XKR4: variants seen among roughly 807,000 people sequenced by gnomAD.
XKR4 encodes the protein XK related 4, also known as XK-related protein 4.
Under a neutral mutation model 53.9 loss-of-function variants are expected in XKR4, and 12 were observed. That is an observed-to-expected ratio of 0.22 (90% CI 0.14 to 0.36). The LOEUF (loss-of-function observed/expected upper bound fraction) is 0.36, where lower values mean the gene tolerates loss of function less well. XKR4 is among the 10% of genes least tolerant of loss of function. XKR4 has a pLI of 1.00. For missense variants in XKR4, 799 were observed against 859.5 expected, an observed-to-expected ratio of 0.93 and a Z score of 0.88; for synonymous variants, 354 against 362.4, an observed-to-expected ratio of 0.98 and a Z score of 0.26.
chr8:55,150,146 T>C (rs1816821716), intron 1 of XKR4, among the ~76,000 whole-genome samples: 1 of 152,230 alleles, frequency 6.6e-6, no homozygotes, highest in African/African-American at 2.4e-5. Context: ...CACCATTTCA[T>C]GGGTTATTTG....
At chr8:55,308,930 C>A (rs968019407) in intron 1 of XKR4, among the ~76,000 whole-genome samples, 1 of 152,158 alleles carries the variant, frequency 6.6e-6, no homozygotes, top group Non-Finnish European at 1.5e-5. Context: ...TGAGTGGTAC[C>A]AGTGGAAGCT....
At chr8:55,464,498 T>A (rs910626264) in intron 2 of XKR4, among the ~76,000 whole-genome samples, 1 of 152,114 alleles carries the variant, frequency 6.6e-6, no homozygotes, top group Non-Finnish European at 1.5e-5. Context: ...GAGCTATCTA[T>A]GACAAACCCA....
chr8:55,225,637 T>A (rs934156264), intron 1 of XKR4, among the ~76,000 whole-genome samples: 1 of 152,346 alleles, frequency 6.6e-6, no homozygotes, highest in East Asian at 1.9e-4. Context: ...CAGAGCCAGA[T>A]GCAGAACTAT....
rs1803286923 is a variant in XKR4, at chr8:55,326,047, C to A, written c.807-31631C>A. On this transcript the variant is annotated intron_variant, in intron 1 of 2. Transcript: ENST00000327381. Reference sequence around the variant, plus strand: ...TTGTTTAGCCTGTGATTTTGAATGCCAAACCGAAGAATGTGGGCTTGATCC... The same window carrying A: ...TTGTTTAGCCTGTGATTTTGAATGCAAAACCGAAGAATGTGGGCTTGATCC... Among the ~76,000 whole-genome samples the A allele has an allele frequency of 2.0e-5, 3 of 152,142 alleles. No homozygotes were observed. In the South Asian group the frequency reaches 6.2e-4, roughly 32 times the overall value.
chr8:55,402,041 A>G (rs1421301120), intron 2 of XKR4, among the ~76,000 whole-genome samples: 1 of 152,230 alleles, frequency 6.6e-6, no homozygotes, highest in Non-Finnish European at 1.5e-5. Flanking sequence ...CGTCTGGCTA[A>G]TAATAGATGA....
intron 1 of XKR4, among the ~76,000 whole-genome samples, chr8:55,168,289 G>A (rs1817098266): frequency 6.6e-6 from 1 of 152,148 alleles, no homozygotes; most frequent in Admixed American, 6.5e-5. Context: ...TGGTTTGTGT[G>A]TGGTGGTGTT....
chr8:55,345,523 A>G (rs888692710), intron 1 of XKR4, among the ~76,000 whole-genome samples: 2 of 152,304 alleles, frequency 1.3e-5, no homozygotes, highest in Middle Eastern at 3.4e-3. Context: ...TCATGGGTCA[A>G]GTGTATGCAG....
At chr8:55,120,373 G>T (rs541972669) in intron 1 of XKR4, among the ~76,000 whole-genome samples, 4 of 151,986 alleles carry the variant, frequency 2.6e-5, no homozygotes, top group South Asian at 2.1e-4. Flanking sequence ...ATAGGCGGGT[G>T]AACTCCACCC....
Position 55,493,583 on chromosome 8 carries a change from G to C in XKR4, c.1007-29698G>C, listed in dbSNP as rs186502774. ...GAAGAGTATAAAAGAGCAAGTATGGGTCTGTAGCTATAGCTACATTAAAGC... is the reference window on the plus strand; with the variant it reads ...GAAGAGTATAAAAGAGCAAGTATGGCTCTGTAGCTATAGCTACATTAAAGC... On this transcript the variant is annotated intron_variant, in intron 2 of 2. Transcript: ENST00000327381. 1.5e-3 allele frequency among the ~76,000 whole-genome samples: 233 copies of C among 152,328 alleles called. 3 individuals are homozygous for C. Among genetic ancestry groups the C allele is most frequent in the Non-Finnish European group, 4.0e-4 (27 of 68,032 alleles).
In XKR4 at chr8:55,535,117, C is replaced by T. The variant is rs1195437981; in HGVS notation, c.*10890C>T. The T allele has an allele frequency of 6.6e-6, 1 of 152,134 alleles. No individual in the cohort carries two copies. The highest frequency in any genetic ancestry group is 1.5e-5 in the Non-Finnish European group (1 of 68,038). 9.4% of individuals were successfully genotyped at this position (152,134 alleles called of 1,614,324 possible). ...TGAATGATCTTCCCAGTTATCAGCA[C>T]TAGCATCACGGCGAGTCAGTTTTCA... On this transcript the variant is annotated 3_prime_UTR_variant, in exon 3 of 3. Coordinates refer to ENST00000327381, the MANE Select transcript of XKR4 (RefSeq NM_052898.2).
intron 1 of XKR4, among the ~76,000 whole-genome samples, chr8:55,207,372 C>T (rs1243958550): frequency 6.6e-6 from 1 of 152,164 alleles, no homozygotes; most frequent in African/African-American, 2.4e-5. Context: ...TTCTCTGTGA[C>T]CATGCCTTTC....
rs1044654616 is a variant in XKR4, at chr8:55,536,221, T to A, written c.*11994T>A. On this transcript the variant is annotated 3_prime_UTR_variant, in exon 3 of 3. Transcript: ENST00000327381. The stretch of plus-strand genomic sequence containing the variant: ...AAAAAATAATTCTTGAGAGAATAAT[T>A]TTCAGAATAATGGAGGTGGAAAGAA... 2.0e-5 allele frequency: 3 copies of A among 152,312 alleles called. No homozygotes were observed. The highest frequency in any genetic ancestry group is 7.2e-5 in the African/African-American group (3 of 41,578). The allele number at this position is 152,312 out of a possible 1,614,324, so 9.4% of individuals were successfully genotyped here.
At chr8:55,358,700 C>A (rs1239099541) in intron 2 of XKR4, among the ~76,000 whole-genome samples, 2 of 152,204 alleles carry the variant, frequency 1.3e-5, no homozygotes, top group Non-Finnish European at 2.9e-5. Flanking sequence ...ATTAATTTGT[C>A]AATCCTGTAA....
intron 1 of XKR4, among the ~76,000 whole-genome samples, chr8:55,217,693 T>C (rs973875394): frequency 3.9e-5 from 6 of 152,118 alleles, no homozygotes; most frequent in African/African-American, 1.4e-4. Flanking sequence ...TTCAGGTAAG[T>C]ATAATATCCT....
At chr8:55,440,783 T>A (rs1182264073) in intron 2 of XKR4, among the ~76,000 whole-genome samples, 1 of 152,078 alleles carries the variant, frequency 6.6e-6, no homozygotes, top group African/African-American at 2.4e-5. Flanking sequence ...ATGAGAGCAA[T>A]TAGGCTCTTT....
chr8:55,408,875 C>T (rs555047527), intron 2 of XKR4, among the ~76,000 whole-genome samples: 14 of 152,096 alleles, frequency 9.2e-5, no homozygotes, highest in South Asian at 4.2e-4. Context: ...GGCATGGTGG[C>T]GTGCGCCTGT....
intron 1 of XKR4, among the ~76,000 whole-genome samples, chr8:55,111,669 A>G (rs1446776947): frequency 6.6e-6 from 1 of 152,210 alleles, no homozygotes; most frequent in Non-Finnish European, 1.5e-5. Context: ...CGTGTCACTG[A>G]TTCTAAGATA....
At chr8:55,337,409 T>C (rs1050748766) in intron 1 of XKR4, among the ~76,000 whole-genome samples, 1 of 152,240 alleles carries the variant, frequency 6.6e-6, no homozygotes, top group African/African-American at 2.4e-5. Flanking sequence ...TTAATATTTC[T>C]TTATGATATT....
intron 2 of XKR4, among the ~76,000 whole-genome samples, chr8:55,364,549 G>A (rs1297122507): frequency 6.6e-6 from 1 of 152,198 alleles, no homozygotes; most frequent in Non-Finnish European, 1.5e-5. Flanking sequence ...AGTCAAGCTG[G>A]TGTCTGAAAC....
Sources: gnomAD v4.1 joint callset for allele counts (sites outside exome capture counted in the v4.1 genomes callset) on GRCh38, gnomAD v4.1.1 for gene constraint, MANE v1.5 for transcripts, NCBI Gene and HGNC (gene_info 2026-07-23, HGNC 2026-07-21) for gene names.